Variants in ATG10 observed in about 807,000 individuals in gnomAD.
ATG10 encodes the protein ubiquitin-like-conjugating enzyme ATG10.
In ATG10, 30 loss-of-function variants were observed where a neutral mutation model predicts 32.1. That is an observed-to-expected ratio of 0.94 (90% CI 0.70 to 1.27). The LOEUF (loss-of-function observed/expected upper bound fraction) is 1.27, where lower values mean the gene tolerates loss of function less well. Ranked by LOEUF, ATG10 falls within the 50% of genes most tolerant of loss-of-function variation. ATG10 has a pLI of 0.00. For missense variants in ATG10, 233 were observed against 262.3 expected, an observed-to-expected ratio of 0.89 and a Z score of 0.77; for synonymous variants, 87 against 91.5, an observed-to-expected ratio of 0.95 and a Z score of 0.28.
chr5:82,107,523 A>G (rs987133464), intron 3 of ATG10, among the ~76,000 whole-genome samples: 1 of 152,254 alleles, frequency 6.6e-6, no homozygotes, highest in Admixed American at 6.6e-5. Context: ...TAAAGCTTAC[A>G]ATGTATTTTA....
intron 3 of ATG10, among the ~76,000 whole-genome samples, chr5:82,139,023 T>C (rs537138582): frequency 0.013 from 1,969 of 150,624 alleles, 52 homozygotes; most frequent in African/African-American, 0.046. Flanking sequence ...TGACTGGTTT[T>C]GGTGGAGACG....
At chr5:82,092,313 A>G (rs533648232) in intron 3 of ATG10, among the ~76,000 whole-genome samples, 108 of 152,350 alleles carry the variant, frequency 7.1e-4, no homozygotes, top group African/African-American at 2.5e-3. Context: ...AAAATATAAA[A>G]GCACCAGAGG....
At chr5:82,185,753 C>T (rs1744423090) in intron 5 of ATG10, among the ~76,000 whole-genome samples, 4 of 152,086 alleles carry the variant, frequency 2.6e-5, no homozygotes, top group Admixed American at 2.0e-4. Context: ...GATATGTTGC[C>T]TGGTGATTTA....
At chr5:81,987,237 C>T (rs1761308412) in intron 1 of ATG10, among the ~76,000 whole-genome samples, 1 of 152,154 alleles carries the variant, frequency 6.6e-6, no homozygotes, top group African/African-American at 2.4e-5. Flanking sequence ...ATCCTCCTGC[C>T]TCAGCCTCCT....
At chr5:82,149,519 G>C (rs1767502347) in intron 3 of ATG10, among the ~76,000 whole-genome samples, 2 of 151,730 alleles carry the variant, frequency 1.3e-5, no homozygotes, top group African/African-American at 2.4e-5. Flanking sequence ...TTATGTTAAA[G>C]TTAGGGCATT....
chr5:82,198,280 T>C (rs1744938383), intron 5 of ATG10, among the ~76,000 whole-genome samples: 1 of 152,120 alleles, frequency 6.6e-6, no homozygotes, highest in Admixed American at 6.6e-5. Flanking sequence ...ATAAACAAAA[T>C]AGAATGCTAA....
At chr5:82,218,029 A>G (rs1286794616) in intron 5 of ATG10, among the ~76,000 whole-genome samples, 2 of 147,668 alleles carry the variant, frequency 1.4e-5, no homozygotes, top group African/African-American at 5.0e-5. Context: ...AAGGAAGGTT[A>G]TAACAGAACA....
chr5:81,996,854 A>G (rs1245923535), intron 2 of ATG10, among the ~76,000 whole-genome samples: 5 of 152,216 alleles, frequency 3.3e-5, no homozygotes, highest in African/African-American at 1.2e-4. Context: ...AACAGTTACC[A>G]TGTACATGAT....
rs1482074846 is a variant in ATG10 at position 81,993,324 on chromosome 5, T to TTTCCTTCC, written c.108+5654_108+5661dup. Among the ~76,000 whole-genome samples the TTTCCTTCC allele has an allele frequency of 6.1e-3, 630 of 103,034 alleles. 34 individuals carry two copies. Among genetic ancestry groups the TTTCCTTCC allele is most frequent in the African/African-American group, 0.025 (585 of 23,658 alleles). The allele number at this position is 103,034 out of a possible 152,430, so 67.6% of individuals were successfully genotyped here. A position where few individuals can be genotyped will look rare whatever the true frequency, so the allele number is the denominator to read the frequency against. On this transcript the variant is annotated intron_variant, in intron 2 of 7. Transcript: ENST00000282185. ...TTCCTTTCTTTCCTTTCTTTCTTTC[T>TTTCCTTCC]TTCCTTCCTTCCTTCTTTCTTTCTT...
At chr5:82,097,653 A>ATTGCAC (rs1765113313) in intron 3 of ATG10, among the ~76,000 whole-genome samples, 2 of 152,260 alleles carry the variant, frequency 1.3e-5, no homozygotes, top group African/African-American at 4.8e-5. Context: ...CACTGGCCTA[A>ATTGCAC]TAGCTCAATT....
chr5:82,155,761 G>T (rs1224397423), intron 3 of ATG10, among the ~76,000 whole-genome samples: 2 of 152,126 alleles, frequency 1.3e-5, no homozygotes, highest in African/African-American at 2.4e-5. Flanking sequence ...TTCTAGCAAG[G>T]TAACAAGGAA....
intron 3 of ATG10, among the ~76,000 whole-genome samples, chr5:82,095,136 A>C (rs2099614254): frequency 6.6e-6 from 1 of 152,188 alleles, no homozygotes; most frequent in Non-Finnish European, 1.5e-5. Context: ...AAATCTGTAT[A>C]TAGAAGGGTT....
chr5:82,039,148 C>G (rs1763014920), intron 2 of ATG10, among the ~76,000 whole-genome samples: 1 of 152,156 alleles, frequency 6.6e-6, no homozygotes, highest in African/African-American at 2.4e-5. Context: ...GCCTGGCCCC[C>G]TTTTAGTTCC....
intron 2 of ATG10, among the ~76,000 whole-genome samples, chr5:81,997,384 T>C (rs1479614009): frequency 6.6e-6 from 1 of 152,038 alleles, no homozygotes; most frequent in Non-Finnish European, 1.5e-5. Context: ...AGGGCTGAGG[T>C]GAGCCTTGGC....
intron 3 of ATG10, among the ~76,000 whole-genome samples, chr5:82,135,577 G>C (rs1159051801): frequency 6.6e-6 from 1 of 152,210 alleles, no homozygotes; most frequent in African/African-American, 2.4e-5. Flanking sequence ...TTTGCACTGT[G>C]ATCTGAGAGA....
At chr5:82,051,101 C>T (rs924358098) in intron 2 of ATG10, among the ~76,000 whole-genome samples, 14 of 152,156 alleles carry the variant, frequency 9.2e-5, no homozygotes, top group African/African-American at 2.9e-4. Flanking sequence ...CAGAAAACCA[C>T]CAATCAAGGA....
At position 82,254,067 on chromosome 5, in the gene ATG10, G is replaced by C. The variant is rs1366592210; in HGVS notation, c.*5-1G>C. 2 of 152,154 alleles carry C rather than the reference G, an allele frequency of 1.3e-5. No homozygotes were observed. Among genetic ancestry groups the C allele is most frequent in the East Asian group, 1.9e-4 (1 of 5,186 alleles). The allele number at this position is 152,154 out of a possible 1,614,324, so 9.4% of individuals were successfully genotyped here. On this transcript the variant is annotated splice_acceptor_variant, in intron 7 of 7. Coordinates refer to ENST00000282185, the MANE Select transcript of ATG10 (RefSeq NM_031482.5). LOFTEE classifies it low-confidence loss of function (3UTR_SPLICE). ...CTTGGCTTTTGTTTTATGTTCTTCA[G>C]ATTCTTCTATTGAGTTTAGGAATTG...
Position 82,115,990 on chromosome 5 carries a change from G to T in ATG10, c.217-48409G>T, listed in dbSNP as rs149024922. Among the ~76,000 whole-genome samples, 61 of 152,246 alleles carry T rather than the reference G, an allele frequency of 4.0e-4. No homozygotes were observed. In the East Asian group the frequency reaches 0.01, roughly 26 times the overall value. On this transcript the variant is annotated intron_variant, in intron 3 of 7. Coordinates refer to ENST00000282185, the MANE Select transcript of ATG10 (RefSeq NM_031482.5). ...GCTGAGAACACAGTTTGCGTAGAAAGTTAAGTGTGTTGACTGCTAATTCTT... is the reference window on the plus strand; with the variant it reads ...GCTGAGAACACAGTTTGCGTAGAAATTTAAGTGTGTTGACTGCTAATTCTT...
intron 2 of ATG10, among the ~76,000 whole-genome samples, chr5:82,022,731 T>C (rs1354108621): frequency 6.6e-6 from 1 of 151,728 alleles, no homozygotes; most frequent in Non-Finnish European, 1.5e-5. Context: ...ACAATATCTC[T>C]GTGAGTTAGC....
Sources: gnomAD v4.1 joint callset for allele counts (sites outside exome capture counted in the v4.1 genomes callset) on GRCh38, gnomAD v4.1.1 for gene constraint, MANE v1.5 for transcripts, NCBI Gene and HGNC (gene_info 2026-07-23, HGNC 2026-07-21) for gene names.